Variants in UGT2B7 observed in about 807,000 individuals in gnomAD.
UGT2B7 encodes UDP-glucuronosyltransferase 2B7.
UGT2B7 carries 51 observed loss-of-function variants against 51.9 expected under a neutral mutation model. That is an observed-to-expected ratio of 0.98 (90% confidence interval 0.78 to 1.24). UGT2B7 has a LOEUF of 1.24. Among genes scored for constraint, UGT2B7 ranks in the 50% most tolerant of loss-of-function variants. The pLI, the probability that UGT2B7 is intolerant of heterozygous loss-of-function variation, is 0.00. For missense variants in UGT2B7, 727 were observed against 628.4 expected, an observed-to-expected ratio of 1.16 and a Z score of -1.68; for synonymous variants, 225 against 211.6, an observed-to-expected ratio of 1.06 and a Z score of -0.55.
intron 3 of UGT2B7, among the ~76,000 whole-genome samples, chr4:69,105,105 G>C (rs1719554228): frequency 6.6e-6 from 1 of 152,118 alleles, no homozygotes; most frequent in South Asian, 2.1e-4. Flanking sequence ...CTGCCCTGAA[G>C]GTGGACCCTG....
intron 3 of UGT2B7, among the ~76,000 whole-genome samples, chr4:69,103,578 T>C (rs1209461963): frequency 6.6e-6 from 1 of 152,208 alleles, no homozygotes; most frequent in Non-Finnish European, 1.5e-5. Flanking sequence ...TTAGAATGAC[T>C]TTCAGGTGTT....
chr4:69,107,145 T>C (rs377172444), intron 3 of UGT2B7, 30 bp from the exon 4 acceptor site: 4 of 1,596,008 alleles, frequency 2.5e-6, no homozygotes, highest in Non-Finnish European at 3.4e-6. Flanking sequence ...ATTCCACTCA[T>C]GGAATAAAAT....
chr4:69,052,909 TAA>T (rs1046994939), intron 1 of UGT2B7, among the ~76,000 whole-genome samples: 1 of 152,112 alleles, frequency 6.6e-6, no homozygotes. Context: ...ATTAAAAGGT[TAA>T]AAAAATTATT....
chr4:69,078,191 T>A (rs1446427418), intron 1 of UGT2B7, among the ~76,000 whole-genome samples: 1 of 152,188 alleles, frequency 6.6e-6, no homozygotes, highest in Non-Finnish European at 1.5e-5. Context: ...GCTGCTGGAT[T>A]TGTTTTGCCA....
chr4:69,110,045 A>T (rs1719727727), intron 5 of UGT2B7, among the ~76,000 whole-genome samples: 1 of 152,112 alleles, frequency 6.6e-6, no homozygotes. Flanking sequence ...ACTCAATCTA[A>T]ACAGACTTTA....
intron 1 of UGT2B7, among the ~76,000 whole-genome samples, chr4:69,063,911 C>T (rs1718413156): frequency 6.6e-6 from 1 of 151,910 alleles, no homozygotes; most frequent in South Asian, 2.1e-4. Context: ...AAACAAGTAT[C>T]AACCCGTACC....
intron 1 of UGT2B7, among the ~76,000 whole-genome samples, chr4:69,055,117 A>G (rs1397787469): frequency 6.0e-5 from 9 of 149,632 alleles, no homozygotes; most frequent in African/African-American, 9.8e-5. Flanking sequence ...AAAAAAAAAA[A>G]AAAAAAAAAG....
rs182353789 is a variant in UGT2B7, at chr4:69,074,495, T to A, written c.-158-14977T>A. ...TGATTGTTTCCCCTATTTATGATCC[T>A]TGGGTGAAAATCTTCCAACTGCGTG... On this transcript the variant is annotated intron_variant, in intron 1 of 5. Transcript: ENST00000502942. Among the ~76,000 whole-genome samples, 1,193 of 119,876 alleles carry A rather than the reference T, an allele frequency of 1.0e-2. 19 individuals are homozygous for A. Among genetic ancestry groups the A allele is most frequent in the African/African-American group, 0.045 (1,119 of 25,012 alleles). 78.6% of individuals were successfully genotyped at this position (119,876 alleles called of 152,430 possible).
chr4:69,092,962 G>GAA (rs57058697), upstream of UGT2B7, among the ~76,000 whole-genome samples: 6 of 131,506 alleles, frequency 4.6e-5, no homozygotes, highest in Non-Finnish European at 6.8e-5. Flanking sequence ...CCCCACCCCA[G>GAA]AAAAAAAAAA....
chr4:69,060,772 A>G (rs1396173357), intron 1 of UGT2B7, among the ~76,000 whole-genome samples: 1 of 152,218 alleles, frequency 6.6e-6, no homozygotes, highest in African/African-American at 2.4e-5. Context: ...GCACTCAGTT[A>G]TAACTTTGAT....
At position 69,112,620 on chromosome 4, in the gene UGT2B7, G is replaced by C; in HGVS notation, c.1474G>C (p.Asp492His). The C allele has an allele frequency of 6.2e-7, 1 of 1,613,894 alleles. No homozygotes were observed. Among genetic ancestry groups the C allele is most frequent in the Non-Finnish European group, 8.5e-7 (1 of 1,179,874 alleles). ...DLTWFQYHSL[D>H]VIGFLLVCVA... Reference sequence around the variant, plus strand: ...CACCTGGTTCCAGTACCACTCTTTGGATGTGATTGGGTTCCTGCTGGTCTG... The same window carrying C: ...CACCTGGTTCCAGTACCACTCTTTGCATGTGATTGGGTTCCTGCTGGTCTG... Residue 492 changes from aspartate to histidine, a missense_variant, in exon 6 of 6, where the codon GAT (aspartate) becomes CAT (histidine). Transcript: ENST00000305231.
chr4:69,108,676 C>T (rs1420381982), intron 5 of UGT2B7, among the ~76,000 whole-genome samples: 2 of 151,874 alleles, frequency 1.3e-5, no homozygotes, highest in Non-Finnish European at 2.9e-5. Context: ...ATCTAAAACA[C>T]CTCAGAGTAT....
intron 1 of UGT2B7, among the ~76,000 whole-genome samples, chr4:69,081,758 G>A (rs1403858376): frequency 6.6e-6 from 1 of 152,008 alleles, no homozygotes; most frequent in Non-Finnish European, 1.5e-5. Context: ...GATGGATAAT[G>A]GTTTTCTCTG....
intron 1 of UGT2B7, among the ~76,000 whole-genome samples, chr4:69,079,563 T>G (rs1718789909): frequency 6.6e-6 from 1 of 152,184 alleles, no homozygotes; most frequent in South Asian, 2.1e-4. Context: ...TTTACTAAGT[T>G]TACTTATTAT....
rs756981437 is a variant in UGT2B7 at position 69,097,125 on chromosome 4, C to G, written c.605C>G (p.Thr202Ser). ...GTACCTGTTGTTATGTCAGAATTAA[C>G]TGATCAAATGACTTTCATGGAGAGG... The part of the protein sequence containing the change: ...SYVPVVMSEL[T>S]DQMTFMERVK... Residue 202 changes from threonine (T) to serine (S), a missense_variant, in exon 1 of 6, where the codon ACT becomes AGT. Transcript: ENST00000305231. The G allele has an allele frequency of 8.7e-6, 14 of 1,613,496 alleles. No individual in the cohort carries two copies. Among genetic ancestry groups the G allele is most frequent in the Middle Eastern group, 1.6e-4 (1 of 6,084 alleles).
upstream of UGT2B7, among the ~76,000 whole-genome samples, chr4:69,094,283 G>T (rs1367835755): frequency 2.6e-4 from 22 of 85,082 alleles, 6 homozygotes; most frequent in Non-Finnish European, 4.3e-4. Flanking sequence ...GGGACTACAG[G>T]CGCCCGCTAC....
intron 1 of UGT2B7, among the ~76,000 whole-genome samples, chr4:69,059,360 A>G (rs908080222): frequency 3.3e-5 from 5 of 152,190 alleles, no homozygotes; most frequent in African/African-American, 1.2e-4. Flanking sequence ...CTCATCCCAA[A>G]TGGTTCTGTT....
intron 1 of UGT2B7, chr4:69,066,573 T>G (rs970716815): frequency 2.0e-5 from 3 of 152,116 alleles, no homozygotes; most frequent in African/African-American, 7.2e-5. Context: ...AAATAATAAG[T>G]GATTCACCAT....
chr4:69,087,441 C>T (rs1718986761), intron 1 of UGT2B7, among the ~76,000 whole-genome samples: 1 of 151,670 alleles, frequency 6.6e-6, no homozygotes, highest in Admixed American at 6.6e-5. Context: ...GTCTTTTTAT[C>T]TTCATGATAA....
Sources: gnomAD v4.1 joint callset for allele counts (sites outside exome capture counted in the v4.1 genomes callset) on GRCh38, gnomAD v4.1.1 for gene constraint, MANE v1.5 for transcripts, NCBI Gene and HGNC (gene_info 2026-07-23, HGNC 2026-07-21) for gene names.